The following MGA variants were observed in gnomAD, a reference collection of about 807,000 sequenced individuals.
MGA encodes MAX gene-associated protein.
A neutral mutation model predicts 261.1 loss-of-function variants in MGA; 40 were observed. The ratio of observed to expected loss-of-function variants is 0.15; its 90% CI spans 0.12 to 0.20. The LOEUF is 0.20. MGA is among the 10% of genes least tolerant of loss of function. MGA has a pLI of 1.00. For missense variants in MGA, 3,397 were observed against 3,630.5 expected, an observed-to-expected ratio of 0.94 and a Z score of 1.65; for synonymous variants, 1,302 against 1,290.6, an observed-to-expected ratio of 1.01 and a Z score of -0.19.
At chr15:41,728,636 G>A (rs2061364218) in intron 10 of MGA, among the ~76,000 whole-genome samples, 2 of 152,104 alleles carry the variant, frequency 1.3e-5, no homozygotes, top group South Asian at 4.1e-4. Flanking sequence ...TCTTCACATG[G>A]AGTAGTCTGA....
chr15:41,628,666 TG>T (rs1197677251), intron 1 of MGA, among the ~76,000 whole-genome samples: 1 of 151,914 alleles, frequency 6.6e-6, no homozygotes, highest in East Asian at 1.9e-4. Flanking sequence ...GTGGTGGTGG[TG>T]GTGGTGCATG....
rs796733527 is a variant in MGA, at chr15:41,702,790, G to T, written c.2188+3631G>T. Among the ~76,000 whole-genome samples, 6 of 151,982 alleles carry T rather than the reference G, an allele frequency of 3.9e-5. No individual in the cohort carries two copies. In the South Asian group the frequency reaches 1.2e-3, roughly 31 times the overall value. ...GTCTGTTAGCTTATCTGAAATTATC[G>T]TCTGTCTTTGCATTTTAAAAGTGTG... On this transcript the variant is annotated intron_variant, in intron 5 of 23. Transcript: ENST00000219905.
At chr15:41,763,635 T>A (rs1293562551) in intron 22 of MGA, among the ~76,000 whole-genome samples, 4 of 151,474 alleles carry the variant, frequency 2.6e-5, no homozygotes, top group African/African-American at 9.7e-5. Context: ...CTCAGCTATT[T>A]AGGAGGCTGA....
chr15:41,671,301 T>C (rs765366207), intron 2 of MGA, among the ~76,000 whole-genome samples: 2 of 152,130 alleles, frequency 1.3e-5, no homozygotes, highest in African/African-American at 4.8e-5. Flanking sequence ...GTTTTTTCTT[T>C]TTGTTTGAAC....
chr15:41,659,389 G>C (rs1443380171), upstream of MGA, among the ~76,000 whole-genome samples: 1 of 152,152 alleles, frequency 6.6e-6, no homozygotes, highest in Admixed American at 6.5e-5. Context: ...ATGTCACGTA[G>C]TAGGTTCTCA....
rs1456347792 is a variant in MGA at position 41,766,703 on chromosome 15, C to A, written c.8621C>A (p.Thr2874Asn). ...AAGGTTCCTCCTGGAAGCAGAGCAA[C>A]TTTCCAGGTTGAGCACTTGGGAACT... The change falls in exon 24 of 24, where the codon ACT becomes AAT. Residue 2874 changes from threonine to asparagine, a missense_variant. Thr to Asn is a moderately conservative substitution (Grantham distance 65). Around this residue, in one of 9 missense-constraint regions of MGA, gnomAD observed 647 missense variants for 642.4 expected, o/e 1.01. Transcript: ENST00000219905. 1.2e-6 allele frequency: 2 copies of A among 1,613,886 alleles called. No individual in the cohort carries two copies.
chr15:41,767,129 C>T lies in MGA; in HGVS notation c.9047C>T (p.Pro3016Leu), dbSNP rs1240110813. 1.9e-6 allele frequency: 3 copies of T among 1,613,942 alleles called. No individual in the cohort carries two copies. Among genetic ancestry groups the T allele is most frequent in the Non-Finnish European group, 1.7e-6 (2 of 1,179,870 alleles). The change falls in exon 24 of 24, where the codon CCT becomes CTT. Residue 3016 changes from proline to leucine, a missense_variant. Coordinates refer to ENST00000219905, the MANE Select transcript of MGA (RefSeq NM_001164273.2). ...CTCAAGGTGATGCCTTGTTTGGCAC[C>T]TATAGCTGCCAAAGTTGGGTCAGTT... is the stretch of plus-strand genomic sequence containing the variant.
intron 2 of MGA, among the ~76,000 whole-genome samples, chr15:41,689,647 C>T (rs1240575282): frequency 6.6e-6 from 1 of 151,392 alleles, no homozygotes; most frequent in Non-Finnish European, 1.5e-5. Flanking sequence ...CTCACTGCAA[C>T]CTCTGCCTAC....
At chr15:41,689,617 G>C (rs1490461155) in intron 2 of MGA, among the ~76,000 whole-genome samples, 2 of 149,620 alleles carry the variant, frequency 1.3e-5, no homozygotes, top group Admixed American at 1.3e-4. Flanking sequence ...CCAGGCTGGA[G>C]TGCAGTGATG....
chr15:41,734,744 G>GT (rs933789080), intron 12 of MGA, 150 bp downstream of exon 12: 51 of 596,506 alleles, frequency 8.5e-5, no homozygotes, highest in Admixed American at 1.9e-4. Context: ...ATAAGTAAAA[G>GT]TTTTTTTTCC....
At chr15:41,691,697 CATTAGTTTTT>C in intron 2 of MGA, 1 of 457,876 alleles carries the variant, frequency 2.2e-6, no homozygotes. Flanking sequence ...AGGTATAGAA[CATTAGTTTTT>C]CTTTCAACAC....
At chr15:41,744,240 G>T (rs903983133) in intron 15 of MGA, among the ~76,000 whole-genome samples, 1 of 151,964 alleles carries the variant, frequency 6.6e-6, no homozygotes, top group Non-Finnish European at 1.5e-5. Flanking sequence ...GTCTTGCTCT[G>T]TTGCCCAGGC....
At chr15:41,687,024 G>T (rs2059004658) in intron 2 of MGA, among the ~76,000 whole-genome samples, 1 of 151,662 alleles carries the variant, frequency 6.6e-6, no homozygotes, top group African/African-American at 2.4e-5. Context: ...GTTTGTGCAA[G>T]ATTGCTGTTT....
chr15:41,749,357 G>C lies in MGA; in HGVS notation c.5750G>C (p.Gly1917Ala). The C allele has an allele frequency of 6.2e-7, 1 of 1,613,974 alleles. No individual in the cohort carries two copies. Among genetic ancestry groups the C allele is most frequent in the Non-Finnish European group, 8.5e-7 (1 of 1,179,896 alleles). ...CCACAAAGCTTTGCAAGTAAAACAG[G>C]CTCTGAAACCAAAATAACTTATAGC... The change falls in exon 17 of 24, where the codon GGC (glycine) becomes GCC (alanine). Residue 1917 changes from glycine (G) to alanine (A), a missense_variant. By Grantham distance (60) the Gly-to-Ala change is moderately conservative. This residue lies in a region of MGA where 1,410 missense variants were observed against 1,386.4 expected (regional missense o/e 1.02). Coordinates refer to ENST00000219905, the MANE Select transcript of MGA (RefSeq NM_001164273.2).
chr15:41,658,832 TAG>T (rs995122577), upstream of MGA, among the ~76,000 whole-genome samples: 1 of 151,970 alleles, frequency 6.6e-6, no homozygotes, highest in Non-Finnish European at 1.5e-5. Flanking sequence ...ATCCCCCAGT[TAG>T]AGAGATCATT....
Position 41,748,946 on chromosome 15 carries a change from T to C in MGA, c.5503+19T>C, listed in dbSNP as rs1423524095. ...AACCCAGGTATAAAGTTCTTTTTTA[T>C]GAACTTTTCTTTTGTTGAATCACTT... On this transcript the variant is annotated intron_variant, in intron 16 of 23. Coordinates refer to ENST00000219905, the MANE Select transcript of MGA (RefSeq NM_001164273.2). The C allele has an allele frequency of 1.2e-5, 20 of 1,606,956 alleles. No individual in the cohort carries two copies. Among genetic ancestry groups the C allele is most frequent in the Non-Finnish European group, 1.7e-5 (20 of 1,176,760 alleles).
chr15:41,624,635 A>G (rs749510082), intron 1 of MGA, among the ~76,000 whole-genome samples: 1 of 151,710 alleles, frequency 6.6e-6, no homozygotes, highest in Non-Finnish European at 1.5e-5. Flanking sequence ...CCTGGCTGAT[A>G]ATTTTTGTAT....
chr15:41,760,893 C>A (rs1435200493), intron 20 of MGA, among the ~76,000 whole-genome samples: 1 of 152,216 alleles, frequency 6.6e-6, no homozygotes, highest in African/African-American at 2.4e-5. Context: ...TGCGCCACCA[C>A]ACCTGGCTAA....
chr15:41,638,697 T>C (rs1480787708), intron 1 of MGA, among the ~76,000 whole-genome samples: 1 of 148,386 alleles, frequency 6.7e-6, no homozygotes, highest in East Asian at 1.9e-4. Context: ...TCTTTTTTTT[T>C]TTTTTTTTTT....
Sources: gnomAD v4.1 joint callset for allele counts (sites outside exome capture counted in the v4.1 genomes callset) on GRCh38, gnomAD v4.1.1 for gene constraint, gnomAD v4.1.1 regional missense constraint, MANE v1.5 for transcripts, NCBI Gene and HGNC (gene_info 2026-07-23, HGNC 2026-07-21) for gene names.